SDK1: variants seen among roughly 807,000 people sequenced by gnomAD.
The protein encoded by SDK1 is sidekick cell adhesion molecule 1.
In SDK1, 157 loss-of-function variants were observed where a neutral mutation model predicts 245.5. That is an observed-to-expected ratio of 0.64 (90% confidence interval 0.56 to 0.73). SDK1 has a LOEUF of 0.73. SDK1 is among the 30% of genes least tolerant of loss of function. The pLI, the probability that SDK1 is intolerant of heterozygous loss-of-function variation, is 0.00. For synonymous variants in SDK1, 1,647 were observed against 1,278.5 expected, an observed-to-expected ratio of 1.29 and a Z score of -6.15; for missense variants, 3,583 against 3,002.3, an observed-to-expected ratio of 1.19 and a Z score of -4.52.
intron 1 of SDK1, among the ~76,000 whole-genome samples, chr7:3,357,132 C>T (rs1780820443): frequency 6.6e-6 from 1 of 150,672 alleles, no homozygotes; most frequent in African/African-American, 2.4e-5. Flanking sequence ...AGAAAAATAC[C>T]TGCTTGACCA....
At chr7:3,675,113 C>T (rs985950381) in intron 4 of SDK1, among the ~76,000 whole-genome samples, 1 of 152,188 alleles carries the variant, frequency 6.6e-6, no homozygotes, top group African/African-American at 2.4e-5. Flanking sequence ...CAGATATCTC[C>T]AATGTTGATC....
At chr7:3,412,604 CAT>C (rs1779243181) in intron 1 of SDK1, among the ~76,000 whole-genome samples, 1 of 152,214 alleles carries the variant, frequency 6.6e-6, no homozygotes, top group Non-Finnish European at 1.5e-5. Flanking sequence ...TCATTTCACA[CAT>C]GTGCAAGTAA....
At chr7:3,559,783 C>G (rs910983268) in intron 1 of SDK1, among the ~76,000 whole-genome samples, 7 of 148,364 alleles carry the variant, frequency 4.7e-5, no homozygotes, top group South Asian at 4.2e-4. Context: ...ACACAAAAAT[C>G]TAAACGGAAA....
rs576062951 is a variant in SDK1, at chr7:4,243,289, G to A, written c.6251+1376G>A. On this transcript the variant is annotated intron_variant, in intron 43 of 44. Coordinates refer to ENST00000404826, the MANE Select transcript of SDK1 (RefSeq NM_152744.4). ...AAGAGAAACATCATTTGATGGTGAG[G>A]TTGGAGGTTCTCAGCCCACAAAGAC... Among the ~76,000 whole-genome samples the A allele has an allele frequency of 1.4e-4, 22 of 152,306 alleles. 1 individual carries two copies. Among genetic ancestry groups the A allele is most frequent in the African/African-American group, 5.1e-4 (21 of 41,566 alleles).
rs1169844596 is a variant in SDK1 at position 3,836,918 on chromosome 7, T to C, written c.847+15335T>C. Among the ~76,000 whole-genome samples, 5 of 152,158 alleles carry C rather than the reference T, an allele frequency of 3.3e-5. No individual in the cohort carries two copies. The East Asian group carries it at 9.6e-4, about 29-fold the overall frequency. ...TCGTTGGGGCCTCCCTTCCTGGCTC[T>C]TAGAGAGCCACCTTTCCACTGATCC... On this transcript the variant is annotated intron_variant, in intron 5 of 44. Coordinates refer to ENST00000404826, the MANE Select transcript of SDK1 (RefSeq NM_152744.4).
At chr7:3,562,455 A>G (rs1262226481) in intron 1 of SDK1, among the ~76,000 whole-genome samples, 1 of 152,192 alleles carries the variant, frequency 6.6e-6, no homozygotes, top group Non-Finnish European at 1.5e-5. Context: ...GAGAAAGAAT[A>G]AAAGCTAGAG....
At chr7:3,751,412 G>C (rs1347432312) in intron 4 of SDK1, among the ~76,000 whole-genome samples, 2 of 138,876 alleles carry the variant, frequency 1.4e-5, no homozygotes, top group African/African-American at 5.3e-5. Flanking sequence ...CTAAATGTGA[G>C]AGATAGAACC....
intron 5 of SDK1, among the ~76,000 whole-genome samples, chr7:3,925,411 G>T (rs1475590580): frequency 6.6e-6 from 1 of 152,176 alleles, no homozygotes; most frequent in Non-Finnish European, 1.5e-5. Context: ...CGCATGCTTG[G>T]GTTCCCTGCT....
chr7:3,821,252 G>T (rs1404062508), intron 4 of SDK1, among the ~76,000 whole-genome samples, 198 bp from the exon 5 acceptor site: 2 of 116,886 alleles, frequency 1.7e-5, no homozygotes, highest in South Asian at 2.4e-4. Context: ...CACTGGGGCT[G>T]CAGTGTGCCA....
chr7:3,905,780 C>A (rs1174790024), intron 5 of SDK1, among the ~76,000 whole-genome samples: 1 of 151,856 alleles, frequency 6.6e-6, no homozygotes, highest in Non-Finnish European at 1.5e-5. Context: ...ATGCCACTAT[C>A]CCTGGCTAAT....
chr7:3,479,674 C>T (rs971238237), intron 1 of SDK1, among the ~76,000 whole-genome samples: 1 of 151,646 alleles, frequency 6.6e-6, no homozygotes, highest in Non-Finnish European at 1.5e-5. Context: ...CCAGCCTGGG[C>T]AACATAGTGA....
intron 14 of SDK1, among the ~76,000 whole-genome samples, chr7:4,008,020 T>G (rs1785627319): frequency 6.6e-6 from 1 of 152,218 alleles, no homozygotes; most frequent in South Asian, 2.1e-4. Context: ...TCTAGAGCTC[T>G]TTTCATGTTG....
At chr7:3,581,031 C>T (rs1272036974) in intron 1 of SDK1, among the ~76,000 whole-genome samples, 2 of 143,414 alleles carry the variant, frequency 1.4e-5, no homozygotes, top group Non-Finnish European at 3.0e-5. Context: ...TATGCATTAC[C>T]ATTCTGGACA....
intron 1 of SDK1, among the ~76,000 whole-genome samples, chr7:3,567,734 T>G (rs1779972253): frequency 6.6e-6 from 1 of 152,222 alleles, no homozygotes; most frequent in Non-Finnish European, 1.5e-5. Context: ...TGAGACAGGC[T>G]AGAGGGCTGT....
At chr7:4,039,825 A>C (rs563210549) in intron 17 of SDK1, among the ~76,000 whole-genome samples, 1 of 152,312 alleles carries the variant, frequency 6.6e-6, no homozygotes, top group South Asian at 2.1e-4. Context: ...CCAGAAACGA[A>C]GGGAAGGGGG....
chr7:3,448,703 A>T (rs1780419300), intron 1 of SDK1, among the ~76,000 whole-genome samples: 1 of 152,196 alleles, frequency 6.6e-6, no homozygotes, highest in Non-Finnish European at 1.5e-5. Flanking sequence ...AATGCCATTT[A>T]GTAAATAAAC....
At chr7:3,654,452 G>C (rs927954133) in intron 4 of SDK1, among the ~76,000 whole-genome samples, 5 of 152,166 alleles carry the variant, frequency 3.3e-5, no homozygotes, top group African/African-American at 9.7e-5. Context: ...TGAGGATTTC[G>C]TGTTTTCTTT....
At chr7:3,461,328 C>A (rs1404517977) in intron 1 of SDK1, among the ~76,000 whole-genome samples, 7 of 152,144 alleles carry the variant, frequency 4.6e-5, no homozygotes, top group African/African-American at 1.7e-4. Flanking sequence ...AATTCTTTGT[C>A]TGTTTGATAT....
intron 5 of SDK1, among the ~76,000 whole-genome samples, chr7:3,830,437 A>T (rs1779885543): frequency 1.3e-5 from 2 of 152,190 alleles, no homozygotes; most frequent in African/African-American, 4.8e-5. Context: ...TTTAAGCATA[A>T]GAGTTCTTTA....
Sources: allele counts gnomAD v4.1 joint callset (sites outside exome capture counted in the v4.1 genomes callset), GRCh38; gene constraint gnomAD v4.1.1; transcripts MANE v1.5; gene names NCBI Gene and HGNC (gene_info 2026-07-23, HGNC 2026-07-21).